Variants in DYM observed in about 807,000 individuals in gnomAD.
DYM encodes dymeclin, also known as dyggve-Melchior-Clausen syndrome protein.
In DYM, 78 loss-of-function variants were observed where a neutral mutation model predicts 93.1. That is an observed-to-expected ratio of 0.84 (90% CI 0.70 to 1.01). The LOEUF (loss-of-function observed/expected upper bound fraction) is 1.01. Among genes scored for constraint, DYM ranks in the 50% least tolerant of loss-of-function variants. The pLI, the probability that DYM is intolerant of heterozygous loss-of-function variation, is 0.00. For missense variants in DYM, 789 were observed against 845.0 expected, an observed-to-expected ratio of 0.93 and a Z score of 0.82; for synonymous variants, 321 against 319.7, an observed-to-expected ratio of 1.00 and a Z score of -0.04.
chr18:49,268,432 T>C (rs914040773), intron 11 of DYM, among the ~76,000 whole-genome samples: 11 of 152,312 alleles, frequency 7.2e-5, no homozygotes, highest in African/African-American at 2.6e-4. Context: ...TTCCCTATCT[T>C]ACCAACCCTG....
chr18:49,123,553 T>C (rs927767159), intron 15 of DYM, among the ~76,000 whole-genome samples: 1 of 152,226 alleles, frequency 6.6e-6, no homozygotes, highest in East Asian at 1.9e-4. Flanking sequence ...GTGTCTGGCC[T>C]ACAGTAGCTG....
rs115176742 is a variant in DYM at position 49,362,753 on chromosome 18, C to T, written c.494+408G>A. ...GCCTAGCTTCAAAGAAGGCTGGAAA[C>T]GAAAACCTGGCTTCAAAAGAGGCTG... On this transcript the variant is annotated intron_variant, in intron 6 of 17. Transcript: ENST00000675505. Among the ~76,000 whole-genome samples, 529 of 152,190 alleles carry T rather than the reference C, an allele frequency of 3.5e-3. 4 individuals carry two copies. The highest frequency in any genetic ancestry group is 0.012 in the African/African-American group (485 of 41,536).
intron 1 of DYM, among the ~76,000 whole-genome samples, chr18:49,437,161 T>C (rs2080933256): frequency 6.6e-6 from 1 of 152,170 alleles, no homozygotes; most frequent in Non-Finnish European, 1.5e-5. Context: ...TCCCATCCCA[T>C]CTTCTAACCA....
intron 8 of DYM, among the ~76,000 whole-genome samples, chr18:49,297,236 A>G (rs1237340147): frequency 6.6e-6 from 1 of 152,240 alleles, no homozygotes; most frequent in Non-Finnish European, 1.5e-5. Context: ...TACTTAAATT[A>G]TTTAATAGAA....
At chr18:49,274,687 T>C (rs1272505316) in intron 10 of DYM, among the ~76,000 whole-genome samples, 2 of 152,198 alleles carry the variant, frequency 1.3e-5, no homozygotes, top group African/African-American at 4.8e-5. Flanking sequence ...GGGAGTAAAG[T>C]GGTATTTCGC....
intron 11 of DYM, among the ~76,000 whole-genome samples, chr18:49,262,515 T>G (rs1263437247): frequency 6.6e-6 from 1 of 152,216 alleles, no homozygotes; most frequent in Non-Finnish European, 1.5e-5. Flanking sequence ...TCTGGTTTGT[T>G]CGCATCTTAC....
intron 15 of DYM, among the ~76,000 whole-genome samples, chr18:49,159,012 T>C (rs1161725415): frequency 1.3e-5 from 2 of 152,182 alleles, no homozygotes; most frequent in East Asian, 1.9e-4. Flanking sequence ...TATAAATATA[T>C]ACATCTACTA....
intron 8 of DYM, among the ~76,000 whole-genome samples, chr18:49,313,209 T>C (rs145396331): frequency 6.6e-6 from 1 of 152,154 alleles, no homozygotes; most frequent in East Asian, 1.9e-4. Flanking sequence ...CTCATGCCTG[T>C]AATCCCAGCA....
At chr18:49,105,729 T>C (rs2080723755) in intron 16 of DYM, among the ~76,000 whole-genome samples, 1 of 152,238 alleles carries the variant, frequency 6.6e-6, no homozygotes. Flanking sequence ...TGAGTGAGTT[T>C]CTTAATCCTG....
At chr18:49,371,595 C>T (rs903887263) in intron 5 of DYM, among the ~76,000 whole-genome samples, 4 of 152,016 alleles carry the variant, frequency 2.6e-5, no homozygotes, top group East Asian at 1.9e-4. Context: ...ATTTATAAGA[C>T]GCCAAATGTG....
At chr18:49,348,043 G>A (rs1414754509) in intron 6 of DYM, among the ~76,000 whole-genome samples, 1 of 152,170 alleles carries the variant, frequency 6.6e-6, no homozygotes, top group Admixed American at 6.5e-5. Flanking sequence ...AAAGAGACAG[G>A]CGCCATGACC....
Position 49,369,457 on chromosome 18 carries a change from C to T in DYM, c.422-6224G>A, listed in dbSNP as rs564914935. On this transcript the variant is annotated intron_variant, in intron 5 of 17. Transcript: ENST00000675505. The stretch of plus-strand genomic sequence containing the variant: ...TCAGAGACCCCTGGCACTTCTGATT[C>T]CTAAGACTTTCCAGGGTTCTGGAGT... 1.2e-4 allele frequency among the ~76,000 whole-genome samples: 18 copies of T among 152,328 alleles called. No homozygotes were observed. The South Asian group carries it at 3.7e-3, about 32-fold the overall frequency.
chr18:49,185,137 T>C (rs1446909420), intron 14 of DYM, among the ~76,000 whole-genome samples: 1 of 152,224 alleles, frequency 6.6e-6, no homozygotes, highest in African/African-American at 2.4e-5. Context: ...GAATTACAAG[T>C]AATCTCATGA....
chr18:49,431,376 T>TA (rs1262314121), intron 1 of DYM, among the ~76,000 whole-genome samples: 1 of 152,176 alleles, frequency 6.6e-6, no homozygotes, highest in Admixed American at 6.5e-5. Context: ...GACTAGCATG[T>TA]AAAAAATTCC....
intron 14 of DYM, among the ~76,000 whole-genome samples, chr18:49,203,376 G>C (rs28560063): frequency 0.02 from 2,713 of 133,140 alleles, 117 homozygotes; most frequent in African/African-American, 0.075. Context: ...ATTGAGAACG[G>C]GCCAGGATGA....
rs528371356 is a variant in DYM, at chr18:49,181,549, C to A, written c.1626-17762G>T. ...GCATGATACTTACCAGGTGAACATA[C>A]CAAATCCAAAAATTTGAAATCCAAA... On this transcript the variant is annotated intron_variant, in intron 14 of 17. Transcript: ENST00000675505. Among the ~76,000 whole-genome samples the A allele has an allele frequency of 2.0e-5, 3 of 152,224 alleles. No individual in the cohort carries two copies. The East Asian group carries it at 5.8e-4, about 29-fold the overall frequency.
chr18:49,156,179 T>G (rs749840790), intron 15 of DYM, among the ~76,000 whole-genome samples: 2 of 152,234 alleles, frequency 1.3e-5, no homozygotes, highest in Non-Finnish European at 2.9e-5. Flanking sequence ...AATTGGCCAC[T>G]TTTTATATCT....
At chr18:49,223,287 A>G (rs2093426557) in intron 13 of DYM, among the ~76,000 whole-genome samples, 1 of 152,290 alleles carries the variant, frequency 6.6e-6, no homozygotes, top group East Asian at 1.9e-4. Context: ...TCTTAAACTT[A>G]GGTCGGGTAG....
At chr18:49,116,464 GT>G (rs1219078144) in intron 16 of DYM, 1 of 152,170 alleles carries the variant, frequency 6.6e-6, no homozygotes, top group Non-Finnish European at 1.5e-5. Context: ...GAATAACATG[GT>G]TAGAAAAAGC....
Sources: allele counts gnomAD v4.1 joint callset (sites outside exome capture counted in the v4.1 genomes callset), GRCh38; gene constraint gnomAD v4.1.1; transcripts MANE v1.5; gene names NCBI Gene and HGNC (gene_info 2026-07-23, HGNC 2026-07-21).